The following NBEAL1 variants were observed in gnomAD, a reference collection of about 807,000 sequenced individuals.
NBEAL1 encodes neurobeachin like 1.
A neutral mutation model predicts 351.3 loss-of-function variants in NBEAL1; 273 were observed. That is an observed-to-expected ratio of 0.78 (90% CI 0.70 to 0.86). The LOEUF (loss-of-function observed/expected upper bound fraction) is 0.86, where lower values mean the gene tolerates loss of function less well. Ranked by LOEUF, NBEAL1 falls within the 40% of genes least tolerant of loss-of-function variation. The pLI is 0.00. For missense variants in NBEAL1, 2,961 were observed against 3,201.3 expected, an observed-to-expected ratio of 0.92 and a Z score of 1.81; for synonymous variants, 1,050 against 1,086.4, an observed-to-expected ratio of 0.97 and a Z score of 0.66.
rs2061906575 is a variant in NBEAL1, at chr2:203,083,385, C to T, written c.851C>T (p.Ser284Phe). 6.4e-7 allele frequency: 1 copy of T among 1,555,490 alleles called. No homozygotes were observed. The stretch of plus-strand genomic sequence containing the variant: ...GTACATATCCTTCTCAGTAGCAACT[C>T]TGATCAGCGTCAAGTGGAAACCAGT... ...EVVHILLSSN[S>F]DQRQVETSTI... Residue 284 changes from serine (S) to phenylalanine (F), a missense_variant, in exon 9 of 56, where the codon TCT (serine) becomes TTT (phenylalanine). Physicochemically the swap from Ser to Phe is radical, Grantham distance 155. Coordinates refer to ENST00000683969, the MANE Select transcript of NBEAL1 (RefSeq NM_001378026.1).
At chr2:203,168,008 A>G (rs2064189851) in intron 38 of NBEAL1, among the ~76,000 whole-genome samples, 1 of 152,218 alleles carries the variant, frequency 6.6e-6, no homozygotes, top group South Asian at 2.1e-4. Flanking sequence ...ACATTAGCAC[A>G]CACAATAACT....
chr2:203,200,153 G>A (rs974197049), intron 49 of NBEAL1, among the ~76,000 whole-genome samples: 5 of 152,152 alleles, frequency 3.3e-5, no homozygotes, highest in South Asian at 4.1e-4. Context: ...TGAGGCAGGC[G>A]GACCACCTGA....
In NBEAL1 at chr2:203,190,380, A is replaced by G. The variant is rs767781849; in HGVS notation, c.6912A>G (p.Gln2304=). The G allele has an allele frequency of 7.5e-6, 12 of 1,604,894 alleles. No individual in the cohort carries two copies. Among genetic ancestry groups the G allele is most frequent in the South Asian group, 2.2e-5 (2 of 89,734 alleles). Residue 2304 remains glutamine, a synonymous_variant, in exon 46 of 56, where the codon CAA becomes CAG. Transcript: ENST00000683969. ...ATAATTTTGGGCAAACACCCTGTCA[A>G]TTATTAAAGGTAAGTCAACAACTTA... is the stretch of plus-strand genomic sequence containing the variant. ...MINNFGQTPC[Q]LLKEPHPPRL...
At chr2:203,131,740 A>G (rs563984492) in intron 25 of NBEAL1, among the ~76,000 whole-genome samples, 1 of 152,322 alleles carries the variant, frequency 6.6e-6, no homozygotes, top group African/African-American at 2.4e-5. Flanking sequence ...TAAGGAATAA[A>G]ATGATGCTCC....
intron 45 of NBEAL1, 82 bp from the exon 46 acceptor site, chr2:203,190,210 C>CACA: frequency 1.6e-6 from 1 of 642,336 alleles, no homozygotes. Context: ...ACACACACAC[C>CACA]AATGAGCCTG....
At chr2:203,189,121 T>A (rs1324250401) in intron 45 of NBEAL1, among the ~76,000 whole-genome samples, 1 of 152,150 alleles carries the variant, frequency 6.6e-6, no homozygotes, top group Non-Finnish European at 1.5e-5. Flanking sequence ...AGGTAATAGG[T>A]TTGTAAGGAG....
At chr2:203,039,637 G>A (rs1470787333) in intron 2 of NBEAL1, among the ~76,000 whole-genome samples, 10 of 152,030 alleles carry the variant, frequency 6.6e-5, no homozygotes, top group African/African-American at 1.7e-4. Flanking sequence ...CAGGTGATCC[G>A]CCTGCCTCGG....
intron 55 of NBEAL1, among the ~76,000 whole-genome samples, chr2:203,216,313 C>T (rs192933535): frequency 4.9e-4 from 75 of 152,156 alleles, no homozygotes; most frequent in Non-Finnish European, 6.9e-4. Context: ...TTTTGAAAGC[C>T]TTAAAATATT....
chr2:203,192,966 T>TCTTTC (rs60700369), intron 46 of NBEAL1, among the ~76,000 whole-genome samples: 2 of 75,494 alleles, frequency 2.6e-5, no homozygotes, highest in Non-Finnish European at 5.5e-5. Flanking sequence ...TTTCTTTCTT[T>TCTTTC]TTTTTTTTTT....
At chr2:203,169,906 A>T in intron 39 of NBEAL1, 55 bp downstream of exon 39, 1 of 1,065,940 alleles carries the variant, frequency 9.4e-7, no homozygotes, top group South Asian at 1.4e-5. Flanking sequence ...TTTAAGTAAA[A>T]CTTGACTTCT....
intron 51 of NBEAL1, among the ~76,000 whole-genome samples, chr2:203,206,153 G>A (rs1258243681): frequency 1.3e-5 from 2 of 152,154 alleles, no homozygotes; most frequent in Non-Finnish European, 2.9e-5. Flanking sequence ...CAATAAAATG[G>A]AAGATCAAAC....
chr2:203,045,035 G>A (rs886120955), intron 3 of NBEAL1, among the ~76,000 whole-genome samples: 1 of 152,060 alleles, frequency 6.6e-6, no homozygotes, highest in African/African-American at 2.4e-5. Context: ...TGCTCATAAC[G>A]TTAGGAACAT....
rs181232833 is a variant in NBEAL1 at position 203,221,401 on chromosome 2, G to T, written c.*4047G>T. On this transcript the variant is annotated 3_prime_UTR_variant, in exon 56 of 56. Coordinates refer to ENST00000683969, the MANE Select transcript of NBEAL1 (RefSeq NM_001378026.1). ...TTATTAAATAATATATGTAATATGG[G>T]TGTCTGTTGGGGTTATGTGTGTGTA... is the stretch of plus-strand genomic sequence containing the variant. 9.4e-3 allele frequency among the ~76,000 whole-genome samples: 1,417 copies of T among 151,440 alleles called. 26 individuals are homozygous for T. Among genetic ancestry groups the T allele is most frequent in the African/African-American group, 0.033 (1,366 of 41,390 alleles).
chr2:203,040,806 A>G (rs1393768821), intron 2 of NBEAL1: 6 of 513,870 alleles, frequency 1.2e-5, no homozygotes, highest in South Asian at 4.9e-5. Context: ...AACCTCCACT[A>G]TATACCAAAA....
Position 203,016,399 on chromosome 2 carries a change from G to T in NBEAL1, c.15G>T (p.Glu5Asp). 1 of 1,493,988 alleles carries T rather than the reference G, an allele frequency of 6.7e-7. No homozygotes were observed. The highest frequency in any genetic ancestry group is 1.3e-5 in the South Asian group (1 of 76,222). 92.5% of individuals were successfully genotyped at this position (1,493,988 alleles called of 1,614,324 possible). MASRERLFELWMLYC... is the reference protein window; with the variant it reads MASRDRLFELWMLYC... Reference sequence around the variant, plus strand: ...TGAAAGCCAGAATGGCATCCAGAGAGAGGCTCTTTGAACTTTGGATGCTTT... The same window carrying T: ...TGAAAGCCAGAATGGCATCCAGAGATAGGCTCTTTGAACTTTGGATGCTTT... The change falls in exon 2 of 56, where the codon GAG becomes GAT. Residue 5 changes from glutamate to aspartate, a missense_variant. Glu to Asp is a conservative substitution (Grantham distance 45, BLOSUM62 2). Transcript: ENST00000683969.
At chr2:203,023,852 G>A (rs2060808534) in intron 2 of NBEAL1, among the ~76,000 whole-genome samples, 1 of 152,042 alleles carries the variant, frequency 6.6e-6, no homozygotes, top group Admixed American at 6.6e-5. Flanking sequence ...AAGAGAAGAA[G>A]GTAAAAGGAA....
intron 43 of NBEAL1, chr2:203,180,933 A>ATTTTTTCTTTTTTT (rs2064695424): frequency 1.6e-5 from 1 of 61,698 alleles, no homozygotes; most frequent in African/African-American, 5.4e-5. Context: ...CAGCCAGTCA[A>ATTTTTTCTTTTTTT]TTTTTTTTTT....
intron 9 of NBEAL1, among the ~76,000 whole-genome samples, chr2:203,083,739 A>C (rs1237902289): frequency 6.6e-6 from 1 of 152,234 alleles, no homozygotes; most frequent in African/African-American, 2.4e-5. Context: ...TCAAGTCTCT[A>C]TATTGTTTTG....
At chr2:203,143,075 A>T (rs2063421356) in intron 31 of NBEAL1, among the ~76,000 whole-genome samples, 2 of 152,130 alleles carry the variant, frequency 1.3e-5, no homozygotes, top group African/African-American at 4.8e-5. Flanking sequence ...AATACTTTTT[A>T]ATTTTATTTT....
Sources: allele counts gnomAD v4.1 joint callset (sites outside exome capture counted in the v4.1 genomes callset), GRCh38; gene constraint gnomAD v4.1.1; transcripts MANE v1.5; gene names NCBI Gene and HGNC (gene_info 2026-07-23, HGNC 2026-07-21).